The following ST18 variants were observed in gnomAD, a reference collection of about 807,000 sequenced individuals.
ST18 encodes suppression of tumorigenicity 18 protein.
Under a neutral mutation model 110.0 loss-of-function variants are expected in ST18, and 50 were observed. The ratio of observed to expected loss-of-function variants is 0.45; its 90% CI spans 0.36 to 0.58. ST18 has a LOEUF of 0.58. ST18 is among the 20% of genes least tolerant of loss of function. The probability of loss-of-function intolerance (pLI) is 0.00; values close to 1 mark genes in which losing one functional copy is unlikely to be tolerated. For synonymous variants in ST18, 461 were observed against 452.4 expected, an observed-to-expected ratio of 1.02 and a Z score of -0.24; for missense variants, 1,306 against 1,280.1, an observed-to-expected ratio of 1.02 and a Z score of -0.31.
intron 8 of ST18, among the ~76,000 whole-genome samples, chr8:52,196,194 C>G: frequency 6.6e-6 from 1 of 152,182 alleles, no homozygotes; most frequent in East Asian, 1.9e-4. Flanking sequence ...CCCTTCTTTT[C>G]TCCCACCTGC....
chr8:52,282,840 G>A (rs1473176075), intron 2 of ST18, among the ~76,000 whole-genome samples: 1 of 152,062 alleles, frequency 6.6e-6, no homozygotes, highest in Non-Finnish European at 1.5e-5. Flanking sequence ...CTTCGGGAGC[G>A]GGGAGGAAGA....
At chr8:52,128,959 G>A (rs1177993116) in intron 22 of ST18, among the ~76,000 whole-genome samples, 3 of 152,068 alleles carry the variant, frequency 2.0e-5, no homozygotes, top group Non-Finnish European at 4.4e-5. Context: ...AACAAGTGAT[G>A]GGAAAGAAAT....
At position 52,401,835 on chromosome 8, in the gene ST18, T is replaced by G. The variant is rs577790569; in HGVS notation, c.-465+7493A>C. Among the ~76,000 whole-genome samples, 18 of 152,316 alleles carry G rather than the reference T, an allele frequency of 1.2e-4. No individual in the cohort carries two copies. In the East Asian group the frequency reaches 3.5e-3, roughly 29 times the overall value. ...TACTAGGGAATTATGGTCTTCCTTT[T>G]GTGGTGTCATGTTTCCTTGCTTTTT... is the stretch of plus-strand genomic sequence containing the variant. On this transcript the variant is annotated intron_variant, in intron 2 of 25. Coordinates refer to ENST00000689386, the MANE Select transcript of ST18 (RefSeq NM_001352837.2).
chr8:52,351,555 T>C (rs1403152628), intron 2 of ST18, among the ~76,000 whole-genome samples: 5 of 152,226 alleles, frequency 3.3e-5, no homozygotes, highest in African/African-American at 7.2e-5. Context: ...TCTTTTCTAT[T>C]TGCCATCTTT....
chr8:52,143,922 T>C (rs1441433219), intron 16 of ST18, among the ~76,000 whole-genome samples: 1 of 152,250 alleles, frequency 6.6e-6, no homozygotes, highest in Non-Finnish European at 1.5e-5. Flanking sequence ...TTGATCTTTC[T>C]GGATAATTGC....
At chr8:52,187,523 C>T (rs2072803192) in intron 8 of ST18, among the ~76,000 whole-genome samples, 1 of 152,242 alleles carries the variant, frequency 6.6e-6, no homozygotes, top group Admixed American at 6.5e-5. Flanking sequence ...AAAAAGCTTT[C>T]CAAATTAACA....
intron 8 of ST18, among the ~76,000 whole-genome samples, chr8:52,203,601 G>A (rs1458702298): frequency 1.3e-5 from 2 of 152,158 alleles, no homozygotes; most frequent in Non-Finnish European, 2.9e-5. Context: ...ATGTTTGCAA[G>A]CATATAATAT....
At chr8:52,127,568 C>A (rs577831720) in intron 22 of ST18, among the ~76,000 whole-genome samples, 12 of 152,286 alleles carry the variant, frequency 7.9e-5, no homozygotes, top group Non-Finnish European at 1.8e-4. Flanking sequence ...GATATTAATA[C>A]CTCATTAGAA....
chr8:52,232,663 G>A (rs1406601773), intron 2 of ST18, among the ~76,000 whole-genome samples: 2 of 151,958 alleles, frequency 1.3e-5, no homozygotes, highest in Non-Finnish European at 2.9e-5. Context: ...AAATATATTT[G>A]CATTGCTGCT....
intron 17 of ST18, among the ~76,000 whole-genome samples, chr8:52,142,546 C>T (rs2055566851): frequency 6.6e-6 from 1 of 152,168 alleles, no homozygotes; most frequent in African/African-American, 2.4e-5. Flanking sequence ...GCTCTTTAAC[C>T]TCTTCTGGGC....
intron 2 of ST18, among the ~76,000 whole-genome samples, chr8:52,253,895 T>C (rs1394857718): frequency 6.6e-6 from 1 of 152,174 alleles, no homozygotes; most frequent in Non-Finnish European, 1.5e-5. Context: ...AATTGCACCA[T>C]GACATTTTAT....
chr8:52,335,120 TAGAGA>T (rs1182747368), intron 2 of ST18, among the ~76,000 whole-genome samples: 11 of 152,226 alleles, frequency 7.2e-5, no homozygotes, highest in African/African-American at 2.7e-4. Flanking sequence ...CACCAGGCAA[TAGAGA>T]AATCAGCTAT....
In ST18 at chr8:52,361,884, G is replaced by A. The variant is rs543895723; in HGVS notation, c.-465+47444C>T. On this transcript the variant is annotated intron_variant, in intron 2 of 25. Coordinates refer to ENST00000689386, the MANE Select transcript of ST18 (RefSeq NM_001352837.2). The stretch of plus-strand genomic sequence containing the variant: ...TATTTCCATCTCTGCAATTCAAAGC[G>A]TTTGTTGATTTCACACTTTATTTTT... 1.1e-4 allele frequency among the ~76,000 whole-genome samples: 17 copies of A among 151,158 alleles called. No individual in the cohort carries two copies. In the South Asian group the frequency reaches 1.5e-3, roughly 13 times the overall value.
chr8:52,330,850 C>T (rs930567938), intron 2 of ST18, among the ~76,000 whole-genome samples: 4 of 152,038 alleles, frequency 2.6e-5, no homozygotes, highest in Admixed American at 6.6e-5. Context: ...TACATCTTAG[C>T]GAGCCCACAG....
At chr8:52,400,520 C>T (rs1262757719) in intron 2 of ST18, among the ~76,000 whole-genome samples, 1 of 151,828 alleles carries the variant, frequency 6.6e-6, no homozygotes, top group Non-Finnish European at 1.5e-5. Flanking sequence ...TTGTTGTCTG[C>T]CTTTGTGATT....
At chr8:52,369,228 C>T (rs2140567957) in intron 2 of ST18, among the ~76,000 whole-genome samples, 1 of 152,282 alleles carries the variant, frequency 6.6e-6, no homozygotes. Flanking sequence ...AATAAGGCCC[C>T]TAAATTTTAA....
intron 2 of ST18, chr8:52,296,469 C>T (rs766012933): frequency 2.0e-5 from 3 of 152,256 alleles, no homozygotes; most frequent in Middle Eastern, 3.1e-3. Flanking sequence ...CTAATGCTCC[C>T]ATCAGCAGAG....
At chr8:52,280,782 T>C (rs2095361196) in intron 2 of ST18, among the ~76,000 whole-genome samples, 1 of 152,006 alleles carries the variant, frequency 6.6e-6, no homozygotes. Flanking sequence ...TATCATAATA[T>C]AAAAGTTTTA....
At chr8:52,186,992 T>C (rs2072545783) in intron 8 of ST18, among the ~76,000 whole-genome samples, 1 of 152,078 alleles carries the variant, frequency 6.6e-6, no homozygotes, top group Non-Finnish European at 1.5e-5. Flanking sequence ...AGGCTATACA[T>C]ACATAAGTTG....
Sources: gnomAD v4.1 joint callset for allele counts (sites outside exome capture counted in the v4.1 genomes callset) on GRCh38, gnomAD v4.1.1 for gene constraint, MANE v1.5 for transcripts, NCBI Gene and HGNC (gene_info 2026-07-23, HGNC 2026-07-21) for gene names.